The following GON7 variants were observed in gnomAD, a reference collection of about 807,000 sequenced individuals.
GON7 encodes the protein GON7 subunit of KEOPS complex.
A neutral mutation model predicts 7.6 loss-of-function variants in GON7; 2 were observed. The ratio of observed to expected loss-of-function variants is 0.26; its 90% CI spans 0.11 to 0.83. The LOEUF is 0.83. Ranked by LOEUF, GON7 falls within the 40% of genes least tolerant of loss-of-function variation. GON7 has a pLI of 0.65. For synonymous variants in GON7, 54 were observed against 56.6 expected (o/e 0.95, Z 0.20); for missense variants, 121 against 132.2 (o/e 0.92, Z 0.42).
chr14:93,204,301 ACT>A (rs902084868), intron 1 of GON7, among the ~76,000 whole-genome samples: 1 of 151,954 alleles, frequency 6.6e-6, no homozygotes, highest in Non-Finnish European at 1.5e-5. Context: ...GCCAAAATCC[ACT>A]CTTTTAAAAA....
At position 93,206,757 on chromosome 14, in the gene GON7, G is replaced by A. The variant is rs1894353696; in HGVS notation, c.208+73C>T. 42 of 1,435,576 alleles carry A rather than the reference G, an allele frequency of 2.9e-5. No homozygotes were observed. In the Middle Eastern group the frequency reaches 1.8e-3, roughly 62 times the overall value. 88.9% of individuals were successfully genotyped at this position (1,435,576 alleles called of 1,614,324 possible). ...TTTGTCCAAGTCTGCCACTCTACAC[G>A]GGCTCCCCAAGCCAATTTCCCCTGG... On this transcript the variant is annotated intron_variant, in intron 1 of 1. Transcript: ENST00000306954.
intron 1 of GON7, among the ~76,000 whole-genome samples, chr14:93,206,591 G>A (rs920387712): frequency 1.3e-5 from 2 of 151,738 alleles, no homozygotes; most frequent in Admixed American, 1.3e-4. Context: ...TCGATATGTT[G>A]CCCTGGCTGT....
intron 1 of GON7, 61 bp downstream of exon 1, chr14:93,206,769 C>T (rs900120498): frequency 1.3e-6 from 2 of 1,511,070 alleles, no homozygotes; most frequent in Non-Finnish European, 1.8e-6. Context: ...GCTCCCCAAG[C>T]CAATTTCCCC....
Position 93,203,501 on chromosome 14 carries a change from ACAGATTT to A in GON7, c.*180_*186del, listed in dbSNP as rs1894287972. On this transcript the variant is annotated 3_prime_UTR_variant, in exon 2 of 2. Coordinates refer to ENST00000306954, the MANE Select transcript of GON7 (RefSeq NM_032490.5). ...GGTCTGAAATTTATTTCTCAAGAAA[ACAGATTT>A]TATTTCTAAGCCTTTACTATCTTTG... 8.1e-6 allele frequency: 4 copies of A among 494,440 alleles called. No homozygotes were observed. The highest frequency in any genetic ancestry group is 1.4e-5 in the Non-Finnish European group (4 of 279,908). The allele number at this position is 494,440 out of a possible 1,614,324, so 30.6% of individuals were successfully genotyped here.
In GON7 at chr14:93,203,423, G is replaced by A; in HGVS notation, c.*265C>T. The A allele has an allele frequency of 2.6e-6, 1 of 383,120 alleles. No homozygotes were observed. Among genetic ancestry groups the A allele is most frequent in the Non-Finnish European group, 4.7e-6 (1 of 214,600 alleles). 23.7% of individuals were successfully genotyped at this position (383,120 alleles called of 1,614,324 possible). ...AATAGAAAACAATGATAAAAATTCA[G>A]TTGCCAACTTAGAGGATTTTATACA... is the stretch of plus-strand genomic sequence containing the variant. On this transcript the variant is annotated 3_prime_UTR_variant, in exon 2 of 2. Coordinates refer to ENST00000306954, the MANE Select transcript of GON7 (RefSeq NM_032490.5).
Position 93,206,966 on chromosome 14 carries a change from C to T in GON7, c.72G>A (p.Pro24=), listed in dbSNP as rs1894359972. Residue 24 remains proline (P), a synonymous_variant, in exon 1 of 2, where the codon CCG becomes CCA. Coordinates refer to ENST00000306954, the MANE Select transcript of GON7 (RefSeq NM_032490.5). Reference sequence around the variant, plus strand: ...GGCCCTGGAAAGGGTCGCCGTCACCCGGCGCCTCACAGGACACCCGCAGCT... The same window carrying T: ...GGCCCTGGAAAGGGTCGCCGTCACCTGGCGCCTCACAGGACACCCGCAGCT... ...PQKLRVSCEA[P]GDGDPFQGLL... is the part of the protein sequence containing the mutation. The T allele has an allele frequency of 6.2e-7, 1 of 1,614,232 alleles. No homozygotes were observed. Among genetic ancestry groups the T allele is most frequent in the African/African-American group, 1.3e-5 (1 of 75,066 alleles).
At chr14:93,204,329 GT>G (rs1894302225) in intron 1 of GON7, among the ~76,000 whole-genome samples, 1 of 152,176 alleles carries the variant, frequency 6.6e-6, no homozygotes, top group South Asian at 2.1e-4. Flanking sequence ...CGGCCTAGTG[GT>G]TTTTAGTATA....
chr14:93,206,054 A>T (rs1342058020), intron 1 of GON7, among the ~76,000 whole-genome samples: 1 of 152,020 alleles, frequency 6.6e-6, no homozygotes, highest in African/African-American at 2.4e-5. Context: ...CGCCCACGAT[A>T]GAGTGCAGTG....
In GON7 at chr14:93,206,994, T is replaced by C. The variant is rs199880504; in HGVS notation, c.44A>G (p.Gln15Arg). 293 of 1,614,086 alleles carry C rather than the reference T, an allele frequency of 1.8e-4. 1 individual carries two copies. In the African/African-American group the frequency reaches 3.6e-3, roughly 20 times the overall value. ...GEYVGQEGKP[Q>R]KLRVSCEAPG... The stretch of plus-strand genomic sequence containing the variant: ...CGCCTCACAGGACACCCGCAGCTTC[T>C]GCGGCTTCCCTTCCTGCCCGACGTA... Residue 15 changes from glutamine to arginine, a missense_variant, in exon 1 of 2, where the codon CAG (glutamine) becomes CGG (arginine). Coordinates refer to ENST00000306954, the MANE Select transcript of GON7 (RefSeq NM_032490.5).
intron 1 of GON7, among the ~76,000 whole-genome samples, chr14:93,205,046 G>A (rs1477661335): frequency 2.0e-5 from 3 of 152,200 alleles, no homozygotes; most frequent in Non-Finnish European, 4.4e-5. Flanking sequence ...AAGTTTTTGT[G>A]TGAACATACG....
intron 1 of GON7, among the ~76,000 whole-genome samples, chr14:93,205,702 C>T (rs1014408888): frequency 6.6e-6 from 1 of 151,568 alleles, no homozygotes; most frequent in Admixed American, 6.6e-5. Context: ...TTTCTGCATT[C>T]GAGGCAATTT....
chr14:93,207,014 G>A lies in GON7; in HGVS notation c.24C>T (p.Val8=). 1.2e-6 allele frequency: 2 copies of A among 1,613,666 alleles called. No homozygotes were observed. Among genetic ancestry groups the A allele is most frequent in the Non-Finnish European group, 1.7e-6 (2 of 1,179,992 alleles). The change falls in exon 1 of 2, where the codon GTC becomes GTT. Residue 8 remains valine, a synonymous_variant. Coordinates refer to ENST00000306954, the MANE Select transcript of GON7 (RefSeq NM_032490.5). MELLGEY[V]GQEGKPQKLR... Reference sequence around the variant, plus strand: ...GCTTCTGCGGCTTCCCTTCCTGCCCGACGTACTCTCCCAGCAGCTCCATGG... The same window carrying A: ...GCTTCTGCGGCTTCCCTTCCTGCCCAACGTACTCTCCCAGCAGCTCCATGG...
chr14:93,204,454 CT>C (rs1187320542), intron 1 of GON7, among the ~76,000 whole-genome samples: 18 of 152,226 alleles, frequency 1.2e-4, no homozygotes, highest in East Asian at 3.9e-4. Context: ...CACTAATCTA[CT>C]TTTTTTCCCC....
In GON7 at chr14:93,203,595, CT is replaced by C. The variant is rs1894289404; in HGVS notation, c.*92del. The C allele has an allele frequency of 1.5e-5, 17 of 1,111,162 alleles. No individual in the cohort carries two copies. The South Asian group carries it at 2.3e-4, about 15-fold the overall frequency. 68.8% of individuals were successfully genotyped at this position (1,111,162 alleles called of 1,614,324 possible). On this transcript the variant is annotated 3_prime_UTR_variant, in exon 2 of 2. Coordinates refer to ENST00000306954, the MANE Select transcript of GON7 (RefSeq NM_032490.5). ...TTGTCCCAGGAGAACAACACAAATG[CT>C]TTTTCCAAATTAGAGCATAAGTCTT...
At position 93,203,472 on chromosome 14, in the gene GON7, C is replaced by T. The variant is rs1440796080; in HGVS notation, c.*216G>A. Reference sequence around the variant, plus strand: ...CATTATGAAGTGTTCTATTTTCCTTCCAGGGTCTGAAATTTATTTCTCAAG... The same window carrying T: ...CATTATGAAGTGTTCTATTTTCCTTTCAGGGTCTGAAATTTATTTCTCAAG... On this transcript the variant is annotated 3_prime_UTR_variant, in exon 2 of 2. Coordinates refer to ENST00000306954, the MANE Select transcript of GON7 (RefSeq NM_032490.5). 1 of 495,576 alleles carries T rather than the reference C, an allele frequency of 2.0e-6. No individual in the cohort carries two copies. The highest frequency in any genetic ancestry group is 1.9e-5 in the African/African-American group (1 of 52,392). The allele number at this position is 495,576 out of a possible 1,614,324, so 30.7% of individuals were successfully genotyped here.
At position 93,203,660 on chromosome 14, in the gene GON7, C is replaced by A. The variant is rs182594724; in HGVS notation, c.*28G>T. 2.5e-4 allele frequency: 400 copies of A among 1,582,894 alleles called. No individual in the cohort carries two copies. Among genetic ancestry groups the A allele is most frequent in the Non-Finnish European group, 3.3e-4 (377 of 1,151,954 alleles). On this transcript the variant is annotated 3_prime_UTR_variant, in exon 2 of 2. Transcript: ENST00000306954. ...AGTGTGACAATAAGGATACAACAGC[C>A]ATCTTTTAAATGTCATGAAGGCTAT...
At position 93,205,452 on chromosome 14, in the gene GON7, G is replaced by A. The variant is rs147748273; in HGVS notation, c.208+1378C>T. 2.0e-3 allele frequency among the ~76,000 whole-genome samples: 307 copies of A among 152,226 alleles called. 3 individuals are homozygous for A. The highest frequency in any genetic ancestry group is 7.1e-3 in the African/African-American group (294 of 41,528). On this transcript the variant is annotated intron_variant, in intron 1 of 1. Coordinates refer to ENST00000306954, the MANE Select transcript of GON7 (RefSeq NM_032490.5). ...TGGGAGGCTGAGGCGGGTGGATCAC[G>A]AGGTCAGGAGTTCGGGACCAGCCTG... is the stretch of plus-strand genomic sequence containing the variant.
chr14:93,206,597 G>C (rs535531162), intron 1 of GON7, among the ~76,000 whole-genome samples: 1 of 151,742 alleles, frequency 6.6e-6, no homozygotes, highest in East Asian at 1.9e-4. Context: ...TGTTGCCCTG[G>C]CTGTTCTGGA....
chr14:93,206,085 A>ACCC (rs956652976), intron 1 of GON7, among the ~76,000 whole-genome samples: 4 of 151,700 alleles, frequency 2.6e-5, no homozygotes, highest in African/African-American at 9.7e-5. Context: ...GGCTCACTGC[A>ACCC]CCCTCTGCCT....
Sources: allele counts gnomAD v4.1 joint callset (sites outside exome capture counted in the v4.1 genomes callset), GRCh38; gene constraint gnomAD v4.1.1; transcripts MANE v1.5; gene names NCBI Gene and HGNC (gene_info 2026-07-23, HGNC 2026-07-21).